The following HYDIN variants were observed in gnomAD, a reference collection of about 807,000 sequenced individuals.
The protein encoded by HYDIN is axonemal central pair apparatus protein HYDIN.
In HYDIN, 132 loss-of-function variants were observed where a neutral mutation model predicts 403.9. That is an observed-to-expected ratio of 0.33 (90% CI 0.28 to 0.38). The LOEUF (loss-of-function observed/expected upper bound fraction) is 0.38. HYDIN is among the 10% of genes least tolerant of loss of function. The pLI, the probability that HYDIN is intolerant of heterozygous loss-of-function variation, is 1.00. For synonymous variants in HYDIN, 1,202 were observed against 1,891.7 expected (o/e 0.64, Z 9.46); for missense variants, 2,827 against 5,009.5 (o/e 0.56, Z 13.15).
At chr16:71,005,154 T>C (rs2079854702) in intron 23 of HYDIN, among the ~76,000 whole-genome samples, 1 of 152,228 alleles carries the variant, frequency 6.6e-6, no homozygotes, top group African/African-American at 2.4e-5. Context: ...AAGATTTTTT[T>C]TAGTGCAGTG....
At chr16:71,170,527 G>A (rs1171688345) in intron 5 of HYDIN, among the ~76,000 whole-genome samples, 3 of 152,116 alleles carry the variant, frequency 2.0e-5, no homozygotes, top group Non-Finnish European at 4.4e-5. Context: ...CAACGTGATA[G>A]GAATGCAATC....
At chr16:71,120,605 TA>T (rs958477178) in intron 9 of HYDIN, among the ~76,000 whole-genome samples, 13 of 151,384 alleles carry the variant, frequency 8.6e-5, no homozygotes, top group East Asian at 1.9e-4. Context: ...AGGGGATCTT[TA>T]AAAAAAACTC....
intron 23 of HYDIN, among the ~76,000 whole-genome samples, chr16:70,996,570 A>G (rs2079540320): frequency 6.6e-6 from 1 of 152,076 alleles, no homozygotes; most frequent in African/African-American, 2.4e-5. Context: ...TAGTTCACAT[A>G]ATGAGCCCCA....
At chr16:70,853,339 A>G (rs2038793010) in intron 73 of HYDIN, among the ~76,000 whole-genome samples, 1 of 151,000 alleles carries the variant, frequency 6.6e-6, no homozygotes, top group African/African-American at 2.4e-5. Flanking sequence ...ACATGCCATT[A>G]TCGTATGTCC....
chr16:70,865,268 T>G (rs892921615), intron 67 of HYDIN: 9 of 358,420 alleles, frequency 2.5e-5, no homozygotes, highest in Non-Finnish European at 4.4e-5. Flanking sequence ...ATCTGTCCTC[T>G]AAAGTTCAGC....
rs1367963574 is a variant in HYDIN, at chr16:70,938,682, G to A, written c.6927C>T (p.Ala2309=). The A allele has an allele frequency of 6.2e-7, 1 of 1,612,954 alleles. No individual in the cohort carries two copies. The highest frequency in any genetic ancestry group is 1.1e-5 in the South Asian group (1 of 91,060). The change falls in exon 44 of 86, where the codon GCC becomes GCT. Residue 2309 remains alanine, a synonymous_variant. Transcript: ENST00000393567. ...LQNMDEEEYD[A]LTEEEKLTFD... ...ATGTGAGTTTCTCCTCCTCAGTCAG[G>A]GCATCATATTCTTCCTCATCCATGT...
intron 10 of HYDIN, among the ~76,000 whole-genome samples, chr16:71,109,557 AATC>A (rs2083740483): frequency 2.4e-5 from 3 of 127,598 alleles, no homozygotes; most frequent in Non-Finnish European, 4.5e-5. Context: ...AATAGTAAGG[AATC>A]ATCAGCAGCT....
chr16:70,875,483 C>T lies in HYDIN; in HGVS notation c.10558-564G>A, dbSNP rs143361304. On this transcript the variant is annotated intron_variant, in intron 62 of 85. Coordinates refer to ENST00000393567, the MANE Select transcript of HYDIN (RefSeq NM_001270974.2). ...AAGACTAAAGCCATACATCTGATTT[C>T]GGATATGAGACATCAGCAGGCATTG... 4.5e-3 allele frequency among the ~76,000 whole-genome samples: 683 copies of T among 151,910 alleles called. 3 individuals carry two copies. Among genetic ancestry groups the T allele is most frequent in the African/African-American group, 0.015 (633 of 41,292 alleles).
chr16:71,135,825 C>A (rs2144530352), intron 8 of HYDIN, among the ~76,000 whole-genome samples: 1 of 141,760 alleles, frequency 7.1e-6, no homozygotes, highest in Non-Finnish European at 1.5e-5. Flanking sequence ...GGCACAGTGG[C>A]AATTCAGTGA....
intron 1 of HYDIN, among the ~76,000 whole-genome samples, chr16:71,221,171 G>C (rs1243900292): frequency 1.3e-5 from 2 of 151,842 alleles, no homozygotes; most frequent in Non-Finnish European, 1.5e-5. Context: ...TCAACGTTTG[G>C]GTCAAAAATA....
chr16:71,124,001 C>A (rs2084354784), intron 9 of HYDIN, among the ~76,000 whole-genome samples: 1 of 151,816 alleles, frequency 6.6e-6, no homozygotes, highest in Admixed American at 6.6e-5. Flanking sequence ...GATTAATATT[C>A]TCTGGGTCAT....
rs975194699 is a variant in HYDIN at position 71,097,418 on chromosome 16, C to G, written c.1328-3483G>C. Among the ~76,000 whole-genome samples the G allele has an allele frequency of 5.8e-5, 5 of 85,664 alleles. 2 individuals carry two copies. The highest frequency in any genetic ancestry group is 4.0e-4 in the African/African-American group (5 of 12,504). The allele number at this position is 85,664 out of a possible 152,430, so 56.2% of individuals were successfully genotyped here. A position where few individuals can be genotyped will look rare whatever the true frequency, so the allele number is the denominator to read the frequency against. Reference sequence around the variant, plus strand: ...TTGATTTCCTTCTCTTGGATCTTGGCCCCATGTTCCAGTAGTTCTCTCTTG... The same window carrying G: ...TTGATTTCCTTCTCTTGGATCTTGGGCCCATGTTCCAGTAGTTCTCTCTTG... On this transcript the variant is annotated intron_variant, in intron 10 of 85. Coordinates refer to ENST00000393567, the MANE Select transcript of HYDIN (RefSeq NM_001270974.2).
At chr16:71,161,347 A>C (rs905615679) in intron 6 of HYDIN, among the ~76,000 whole-genome samples, 1 of 152,160 alleles carries the variant, frequency 6.6e-6, no homozygotes, top group African/African-American at 2.4e-5. Context: ...TCTCTTGTCC[A>C]CCACTCACCT....
chr16:70,906,158 A>C (rs74727556), intron 50 of HYDIN, among the ~76,000 whole-genome samples: 3 of 152,146 alleles, frequency 2.0e-5, no homozygotes, highest in South Asian at 4.1e-4. Context: ...CTGAAAAAAA[A>C]CTAGAATTGC....
intron 83 of HYDIN, among the ~76,000 whole-genome samples, chr16:70,823,588 T>C (rs1179047338): frequency 6.7e-6 from 1 of 149,790 alleles, no homozygotes; most frequent in East Asian, 2.0e-4. Flanking sequence ...GCAATCTCTT[T>C]CCTTTGGCTG....
intron 78 of HYDIN, among the ~76,000 whole-genome samples, 192 bp downstream of exon 78, chr16:70,835,484 T>C (rs575321515): frequency 3.9e-5 from 6 of 152,286 alleles, no homozygotes; most frequent in Admixed American, 3.9e-4. Flanking sequence ...AAAAACAGTG[T>C]GGGACTAGTG....
In HYDIN at chr16:71,140,908, C is replaced by A. The variant is rs113237505; in HGVS notation, c.842-3556G>T. 1.9e-3 allele frequency among the ~76,000 whole-genome samples: 280 copies of A among 148,668 alleles called. 6 individuals carry two copies. The highest frequency in any genetic ancestry group is 6.5e-3 in the African/African-American group (264 of 40,728). On this transcript the variant is annotated intron_variant, in intron 7 of 85. Transcript: ENST00000393567. ...ACATTAAAGGAATGATACTTCATAA[C>A]CAAGTGGAATTTATTCCAGAAATGC...
intron 59 of HYDIN, 62 bp downstream of exon 59, chr16:70,883,858 A>T: frequency 6.4e-7 from 1 of 1,555,186 alleles, no homozygotes; most frequent in East Asian, 2.2e-5. Flanking sequence ...AGCGTGAGCC[A>T]CTGCACCAGG....
In HYDIN at chr16:71,184,761, A is replaced by C. The variant is rs147604325; in HGVS notation, c.261+104T>G. 1.2e-3 allele frequency: 1,196 copies of C among 965,048 alleles called. 10 individuals carry two copies. In the African/African-American group the frequency reaches 0.017, roughly 14 times the overall value. 59.8% of individuals were successfully genotyped at this position (965,048 alleles called of 1,614,324 possible). ...GAAAAGGAGGATTGAAAACAAACCC[A>C]ATAAAGGATTAGGTAGCCAAGAAAC... On this transcript the variant is annotated intron_variant, in intron 3 of 85. Transcript: ENST00000393567.
Sources: gnomAD v4.1 joint callset for allele counts (sites outside exome capture counted in the v4.1 genomes callset) on GRCh38, gnomAD v4.1.1 for gene constraint, MANE v1.5 for transcripts, NCBI Gene and HGNC (gene_info 2026-07-23, HGNC 2026-07-21) for gene names.